The following MANBA variants were observed in gnomAD, a reference collection of about 807,000 sequenced individuals.
MANBA encodes the protein mannosidase beta, also known as beta-mannosidase.
A neutral mutation model predicts 111.1 loss-of-function variants in MANBA; 83 were observed. The observed-to-expected ratio is 0.75, with a 90% CI of 0.63 to 0.90. The LOEUF is 0.90. Ranked by LOEUF, MANBA falls within the 40% of genes least tolerant of loss-of-function variation. The pLI is 0.00. For synonymous variants in MANBA, 370 were observed against 378.7 expected (o/e 0.98, Z 0.27); for missense variants, 1,036 against 1,069.0 (o/e 0.97, Z 0.43).
chr4:102,713,406 C>T (rs1160218475), intron 5 of MANBA, among the ~76,000 whole-genome samples: 1 of 152,116 alleles, frequency 6.6e-6, no homozygotes, highest in Non-Finnish European at 1.5e-5. Context: ...TTTGTATCTC[C>T]CCTCCCCACA....
At position 102,689,029 on chromosome 4, in the gene MANBA, C is replaced by CA. The variant is rs547444973; in HGVS notation, c.960+544dup. Among the ~76,000 whole-genome samples the CA allele has an allele frequency of 3.0e-3, 458 of 152,180 alleles. 2 individuals carry two copies. Among genetic ancestry groups the CA allele is most frequent in the Non-Finnish European group, 4.7e-3 (318 of 67,996 alleles). ...ATCATAGCAGGAGACTACTTATTGA[C>CA]AAAATAATATCTAAAGTATGATCCA... On this transcript the variant is annotated intron_variant, in intron 7 of 16. Coordinates refer to ENST00000647097, the MANE Select transcript of MANBA (RefSeq NM_005908.4).
chr4:102,752,316 A>C, intron 1 of MANBA: 1 of 1,365,328 alleles, frequency 7.3e-7, no homozygotes, highest in Non-Finnish European at 1.0e-6. Context: ...GTAAACGTTT[A>C]GCATCTGGAA....
chr4:102,727,836 C>T (rs990246651), intron 1 of MANBA: 4 of 610,368 alleles, frequency 6.6e-6, no homozygotes, highest in African/African-American at 3.7e-5. Context: ...AAAGGATTTT[C>T]CTGAAGACTC....
intron 1 of MANBA, among the ~76,000 whole-genome samples, chr4:102,756,759 T>C (rs1423415634): frequency 6.8e-6 from 1 of 147,218 alleles, no homozygotes; most frequent in African/African-American, 2.5e-5. Context: ...TTCTTCTTAC[T>C]TATCTATATA....
At chr4:102,700,673 G>A (rs1324203766) in intron 5 of MANBA, among the ~76,000 whole-genome samples, 1 of 152,170 alleles carries the variant, frequency 6.6e-6, no homozygotes, top group African/African-American at 2.4e-5. Flanking sequence ...GCGGTTTTGA[G>A]TGAGTTTCTT....
intron 10 of MANBA, 75 bp downstream of exon 10, chr4:102,668,888 G>A (rs1731350983): frequency 1.6e-6 from 2 of 1,265,880 alleles, no homozygotes; most frequent in Non-Finnish European, 2.3e-6. Flanking sequence ...AAACCAAAAT[G>A]AAGCAAGATT....
At position 102,631,702 on chromosome 4, in the gene MANBA, C is replaced by T. The variant is rs1729382178; in HGVS notation, c.*355G>A. The T allele has an allele frequency of 1.1e-5, 6 of 532,072 alleles. No homozygotes were observed. The highest frequency in any genetic ancestry group is 6.5e-5 in the South Asian group (2 of 30,750). The allele number at this position is 532,072 out of a possible 1,614,324, so 33.0% of individuals were successfully genotyped here. On this transcript the variant is annotated 3_prime_UTR_variant, in exon 17 of 17. Coordinates refer to ENST00000647097, the MANE Select transcript of MANBA (RefSeq NM_005908.4). ...TGAAAGACCTACATCACCTCAAAAC[C>T]TTCCATTTGGTTCCATAGATCCTGC...
intron 1 of MANBA, chr4:102,729,573 C>G: frequency 1.1e-6 from 1 of 878,486 alleles, no homozygotes; most frequent in Non-Finnish European, 2.0e-6. Context: ...AACCTTCATC[C>G]ACATCCTCTT....
chr4:102,760,692 C>T lies in MANBA; in HGVS notation c.177+26G>A, dbSNP rs369306444. 10,023 of 1,511,252 alleles carry T rather than the reference C, an allele frequency of 6.6e-3. 32 individuals carry two copies. The highest frequency in any genetic ancestry group is 7.7e-3 in the Non-Finnish European group (8,683 of 1,123,788). 93.6% of individuals were successfully genotyped at this position (1,511,252 alleles called of 1,614,324 possible). Reference sequence around the variant, plus strand: ...CACCAGAAGAAGGCGGGCGCAGGCTCGCCGCGGGTCGGCCGCACGCCATAC... The same window carrying T: ...CACCAGAAGAAGGCGGGCGCAGGCTTGCCGCGGGTCGGCCGCACGCCATAC... On this transcript the variant is annotated intron_variant, in intron 1 of 16. Coordinates refer to ENST00000647097, the MANE Select transcript of MANBA (RefSeq NM_005908.4).
At chr4:102,656,415 A>G (rs1210855696) in intron 12 of MANBA, among the ~76,000 whole-genome samples, 1 of 152,346 alleles carries the variant, frequency 6.6e-6, no homozygotes, top group East Asian at 1.9e-4. Context: ...TGTGAAGAAA[A>G]AAAGAAAATA....
chr4:102,749,537 T>C (rs909554910), intron 1 of MANBA, among the ~76,000 whole-genome samples: 1 of 152,252 alleles, frequency 6.6e-6, no homozygotes, highest in Admixed American at 6.5e-5. Flanking sequence ...CACATTTAAA[T>C]TAAAATAACT....
intron 5 of MANBA, among the ~76,000 whole-genome samples, chr4:102,701,404 GAT>G (rs1055348848): frequency 7.4e-4 from 113 of 152,190 alleles, no homozygotes; most frequent in African/African-American, 2.6e-3. Flanking sequence ...CTGTCATTAT[GAT>G]GTTAGCTGGT....
intron 7 of MANBA, among the ~76,000 whole-genome samples, chr4:102,689,008 T>A (rs1393054142): frequency 6.6e-6 from 1 of 152,316 alleles, no homozygotes; most frequent in Admixed American, 6.5e-5. Context: ...TTTTAAATCA[T>A]AGCAGGAGAC....
At chr4:102,676,932 A>C (rs1009896632) in intron 7 of MANBA, among the ~76,000 whole-genome samples, 7 of 149,172 alleles carry the variant, frequency 4.7e-5, no homozygotes, top group South Asian at 2.1e-4. Context: ...TGAAAAAAAA[A>C]CAGTTTCACT....
chr4:102,674,004 A>C lies in MANBA; in HGVS notation c.1027T>G (p.Phe343Val). 6.2e-7 allele frequency: 1 copy of C among 1,606,976 alleles called. No individual in the cohort carries two copies. Among genetic ancestry groups the C allele is most frequent in the South Asian group, 1.1e-5 (1 of 90,934 alleles). Reference protein sequence around the residue: ...IKGSPGLSFYFKINGFPIFLK... With the variant: ...IKGSPGLSFYVKINGFPIFLK... ...AATATGGGAAATCCATTAATTTTGA[A>C]ATAGAAACTCAAACCAGGAGACCCT... is the stretch of plus-strand genomic sequence containing the variant. Residue 343 changes from phenylalanine (F) to valine (V), a missense_variant, in exon 8 of 17, where the codon TTC (phenylalanine) becomes GTC (valine). By Grantham distance (50) the Phe-to-Val change is conservative. Transcript: ENST00000647097.
At chr4:102,636,866 T>C (rs1397214579) in intron 14 of MANBA, among the ~76,000 whole-genome samples, 1 of 152,208 alleles carries the variant, frequency 6.6e-6, no homozygotes. Context: ...GGTTTGGCTG[T>C]GCCCCTACCC....
rs572311019 is a variant in MANBA at position 102,735,944 on chromosome 4, C to T, written c.178-9261G>A. Among the ~76,000 whole-genome samples the T allele has an allele frequency of 7.9e-5, 12 of 152,336 alleles. No homozygotes were observed. The South Asian group carries it at 2.5e-3, about 32-fold the overall frequency. On this transcript the variant is annotated intron_variant, in intron 1 of 16. Coordinates refer to ENST00000647097, the MANE Select transcript of MANBA (RefSeq NM_005908.4). ...CACTGAGGAAAGAAACCAATCTAGT[C>T]TAACACCAAGGTCTGAATTTTTTGG...
intron 9 of MANBA, among the ~76,000 whole-genome samples, chr4:102,670,332 GA>G (rs1731439066): frequency 1.3e-5 from 2 of 152,130 alleles, no homozygotes; most frequent in African/African-American, 4.8e-5. Context: ...GAATGGGCAT[GA>G]AGATAAAATA....
chr4:102,653,629 T>G (rs1027262909), intron 12 of MANBA, among the ~76,000 whole-genome samples: 4 of 152,170 alleles, frequency 2.6e-5, no homozygotes, highest in Non-Finnish European at 4.4e-5. Flanking sequence ...TAAAAAAAGA[T>G]GAGTAAATCA....
Sources: allele counts gnomAD v4.1 joint callset (sites outside exome capture counted in the v4.1 genomes callset), GRCh38; gene constraint gnomAD v4.1.1; transcripts MANE v1.5; gene names NCBI Gene and HGNC (gene_info 2026-07-23, HGNC 2026-07-21).